The following CFAP299 variants were observed in gnomAD, a reference collection of about 807,000 sequenced individuals.
CFAP299 encodes the protein cilia- and flagella-associated protein 299.
Under a neutral mutation model 27.0 loss-of-function variants are expected in CFAP299, and 21 were observed. The ratio of observed to expected loss-of-function variants is 0.78; its 90% CI spans 0.55 to 1.12. CFAP299 has a LOEUF of 1.12. Ranked by LOEUF, CFAP299 falls within the 50% of genes most tolerant of loss-of-function variation. The probability of loss-of-function intolerance (pLI) is 0.00; values close to 1 mark genes in which losing one functional copy is unlikely to be tolerated. For synonymous variants in CFAP299, 104 were observed against 98.1 expected (o/e 1.06, Z -0.36); for missense variants, 310 against 276.6 (o/e 1.12, Z -0.86).
At chr4:80,894,662 T>C (rs1221870412) in intron 4 of CFAP299, among the ~76,000 whole-genome samples, 1 of 151,960 alleles carries the variant, frequency 6.6e-6, no homozygotes, top group Non-Finnish European at 1.5e-5. Flanking sequence ...ATCTAACTAC[T>C]ATGTGATCCA....
At chr4:80,597,599 C>T (rs1477718388) in intron 3 of CFAP299, among the ~76,000 whole-genome samples, 1 of 152,116 alleles carries the variant, frequency 6.6e-6, no homozygotes, top group Admixed American at 6.5e-5. Context: ...GATATCTTTG[C>T]TATCTCAAAG....
intron 2 of CFAP299, among the ~76,000 whole-genome samples, chr4:80,431,711 C>T (rs1479380814): frequency 6.6e-6 from 1 of 152,186 alleles, no homozygotes; most frequent in African/African-American, 2.4e-5. Flanking sequence ...TAGGACATCA[C>T]AGAGAAGCCT....
At chr4:80,772,643 C>G (rs1726286653) in intron 3 of CFAP299, among the ~76,000 whole-genome samples, 1 of 151,916 alleles carries the variant, frequency 6.6e-6, no homozygotes, top group Non-Finnish European at 1.5e-5. Flanking sequence ...TTTGCTGCCC[C>G]TATCAACCCG....
intron 3 of CFAP299, among the ~76,000 whole-genome samples, chr4:80,656,371 C>T (rs1740554206): frequency 6.6e-6 from 1 of 152,040 alleles, no homozygotes; most frequent in Non-Finnish European, 1.5e-5. Context: ...GCTATCCCTC[C>T]CCTAGTGCCC....
chr4:80,626,709 G>T (rs1321322415), intron 3 of CFAP299, among the ~76,000 whole-genome samples: 2 of 151,604 alleles, frequency 1.3e-5, no homozygotes, highest in African/African-American at 4.8e-5. Flanking sequence ...AATTCAAAGG[G>T]CCATAAGAGA....
intron 1 of CFAP299, among the ~76,000 whole-genome samples, chr4:80,347,320 A>G (rs1722782439): frequency 6.6e-6 from 1 of 152,110 alleles, no homozygotes; most frequent in Admixed American, 6.5e-5. Flanking sequence ...GTTGAATAGG[A>G]GTGGTGAGAG....
At chr4:80,787,067 G>C (rs1157653794) in intron 3 of CFAP299, among the ~76,000 whole-genome samples, 1 of 151,616 alleles carries the variant, frequency 6.6e-6, no homozygotes, top group African/African-American at 2.4e-5. Context: ...CAACAAACTT[G>C]TTAACAACAG....
intron 3 of CFAP299, among the ~76,000 whole-genome samples, chr4:80,745,903 A>G (rs557503590): frequency 3.3e-5 from 5 of 152,096 alleles, no homozygotes; most frequent in Non-Finnish European, 7.4e-5. Context: ...AACATCACCC[A>G]GTTGGGATTT....
intron 3 of CFAP299, among the ~76,000 whole-genome samples, chr4:80,666,062 G>A (rs1741130797): frequency 6.6e-6 from 1 of 152,118 alleles, no homozygotes; most frequent in African/African-American, 2.4e-5. Flanking sequence ...TCTCATATGA[G>A]ATATGTGAGG....
intron 3 of CFAP299, among the ~76,000 whole-genome samples, chr4:80,814,819 GACAA>G (rs1377816134): frequency 1.3e-5 from 2 of 151,878 alleles, no homozygotes; most frequent in Non-Finnish European, 1.5e-5. Context: ...TCTCCATAAG[GACAA>G]ACAAAGGAAA....
intron 2 of CFAP299, among the ~76,000 whole-genome samples, chr4:80,531,735 G>A (rs1342081119): frequency 6.7e-6 from 1 of 148,880 alleles, no homozygotes; most frequent in African/African-American, 2.5e-5. Flanking sequence ...ATTTCTGACT[G>A]ATAAGATAGA....
chr4:80,617,462 A>G (rs781290303), intron 3 of CFAP299, among the ~76,000 whole-genome samples: 3 of 152,294 alleles, frequency 2.0e-5, no homozygotes, highest in Non-Finnish European at 2.9e-5. Context: ...ATGACTTGCT[A>G]TGAACTCACC....
chr4:80,869,960 A>T, intron 3 of CFAP299, 33 bp from the exon 4 acceptor site: 1 of 1,566,886 alleles, frequency 6.4e-7, no homozygotes, highest in Non-Finnish European at 8.7e-7. Context: ...GCTCTTTTAT[A>T]TTTTTGTCTT....
intron 3 of CFAP299, among the ~76,000 whole-genome samples, chr4:80,715,620 G>A (rs75698834): frequency 0.017 from 2,538 of 151,946 alleles, 51 homozygotes; most frequent in Admixed American, 0.058. Flanking sequence ...TAACATTATG[G>A]CATATGCTTT....
chr4:80,749,434 T>G (rs1009520231), intron 3 of CFAP299, among the ~76,000 whole-genome samples: 1 of 152,188 alleles, frequency 6.6e-6, no homozygotes, highest in Non-Finnish European at 1.5e-5. Context: ...ACAGAATATA[T>G]GTACATATGA....
chr4:80,763,170 G>C (rs563749058), intron 3 of CFAP299, among the ~76,000 whole-genome samples: 3 of 152,272 alleles, frequency 2.0e-5, no homozygotes, highest in Non-Finnish European at 2.9e-5. Flanking sequence ...CATTGTCTCT[G>C]TTTGCAGATG....
At chr4:80,928,758 C>T (rs960396116) in intron 4 of CFAP299, among the ~76,000 whole-genome samples, 1 of 152,082 alleles carries the variant, frequency 6.6e-6, no homozygotes, top group African/African-American at 2.4e-5. Context: ...GATAAATGTA[C>T]ACTAGTCCCT....
At chr4:80,861,669 T>C (rs1321825397) in intron 3 of CFAP299, among the ~76,000 whole-genome samples, 4 of 152,348 alleles carry the variant, frequency 2.6e-5, no homozygotes, top group East Asian at 3.9e-4. Flanking sequence ...TCATAACTTT[T>C]GTTCAACGAT....
chr4:80,856,503 C>T (rs1731899045), intron 3 of CFAP299, among the ~76,000 whole-genome samples: 2 of 151,474 alleles, frequency 1.3e-5, no homozygotes, highest in South Asian at 2.1e-4. Context: ...AATGGTAATG[C>T]CTAGGTTTTC....
Sources: allele counts gnomAD v4.1 joint callset (sites outside exome capture counted in the v4.1 genomes callset), GRCh38; gene constraint gnomAD v4.1.1; transcripts MANE v1.5; gene names NCBI Gene and HGNC (gene_info 2026-07-23, HGNC 2026-07-21).